HOMER2: variants seen among roughly 807,000 people sequenced by gnomAD.
The protein encoded by HOMER2 is homer scaffold protein 2.
HOMER2 carries 27 observed loss-of-function variants against 47.0 expected under a neutral mutation model. That is an observed-to-expected ratio of 0.57 (90% CI 0.42 to 0.79). HOMER2 has a LOEUF of 0.79. Among genes scored for constraint, HOMER2 ranks in the 30% least tolerant of loss-of-function variants. The pLI is 0.00. For missense variants in HOMER2, 443 were observed against 435.0 expected (o/e 1.02, Z -0.16); for synonymous variants, 161 against 163.8 (o/e 0.98, Z 0.13).
At chr15:82,880,044 T>C (rs892295869) in intron 2 of HOMER2, among the ~76,000 whole-genome samples, 5 of 152,118 alleles carry the variant, frequency 3.3e-5, no homozygotes, top group African/African-American at 1.2e-4. Flanking sequence ...TATGATTCTA[T>C]TCATATAAAG....
At chr15:82,938,091 G>C (rs987564821) in intron 1 of HOMER2, among the ~76,000 whole-genome samples, 1 of 152,148 alleles carries the variant, frequency 6.6e-6, no homozygotes. Context: ...TGCCAGCTCA[G>C]CTGGGCATGG....
chr15:82,865,416 C>T (rs762898616), intron 3 of HOMER2, among the ~76,000 whole-genome samples: 2 of 152,072 alleles, frequency 1.3e-5, no homozygotes, highest in Admixed American at 6.6e-5. Context: ...AGGGACAGTA[C>T]AAATAAGTTT....
chr15:82,951,440 A>C (rs141569031), intron 1 of HOMER2, among the ~76,000 whole-genome samples: 1 of 152,342 alleles, frequency 6.6e-6, no homozygotes, highest in Non-Finnish European at 1.5e-5. Context: ...CCACTGACCC[A>C]GGGGGGCTGA....
In HOMER2 at chr15:82,900,964, A is replaced by G. The variant is rs76392270; in HGVS notation, c.6-8123T>C. Among the ~76,000 whole-genome samples the G allele has an allele frequency of 3.9e-3, 588 of 152,312 alleles. 5 individuals are homozygous for G. The highest frequency in any genetic ancestry group is 0.023 in the East Asian group (121 of 5,192). ...TTTTTGGGTCACATTTACACCAGGG[A>G]ATGGATGAGGCAAGTGCCGCTGATG... is the stretch of plus-strand genomic sequence containing the variant. On this transcript the variant is annotated intron_variant, in intron 1 of 8. Transcript: ENST00000450735.
At chr15:82,893,266 A>C (rs1003211771) in intron 1 of HOMER2, among the ~76,000 whole-genome samples, 4 of 151,834 alleles carry the variant, frequency 2.6e-5, no homozygotes, top group Non-Finnish European at 4.4e-5. Flanking sequence ...TTTGCAGCTT[A>C]ATGTTATATT....
chr15:82,868,583 G>T (rs1680175358), intron 3 of HOMER2, among the ~76,000 whole-genome samples: 2 of 85,932 alleles, frequency 2.3e-5, no homozygotes, highest in South Asian at 4.0e-4. Flanking sequence ...GAATCTTACT[G>T]TATCTCCCAG....
At chr15:82,940,974 A>G (rs1411592629) in intron 1 of HOMER2, among the ~76,000 whole-genome samples, 1 of 152,106 alleles carries the variant, frequency 6.6e-6, no homozygotes, top group Non-Finnish European at 1.5e-5. Flanking sequence ...ACAGTATTAC[A>G]TATAACCCTA....
chr15:82,916,259 C>G (rs1016846826), intron 1 of HOMER2, among the ~76,000 whole-genome samples: 1 of 152,178 alleles, frequency 6.6e-6, no homozygotes, highest in Non-Finnish European at 1.5e-5. Flanking sequence ...TCCTCTGCTC[C>G]CATTCTTATA....
chr15:82,950,285 C>T (rs1034960066), intron 1 of HOMER2, among the ~76,000 whole-genome samples: 1 of 152,044 alleles, frequency 6.6e-6, no homozygotes, highest in Non-Finnish European at 1.5e-5. Context: ...CAGAACACTT[C>T]GCAGAAGAGA....
intron 1 of HOMER2, among the ~76,000 whole-genome samples, chr15:82,952,301 G>A (rs1194594489): frequency 6.6e-6 from 1 of 152,194 alleles, no homozygotes; most frequent in African/African-American, 2.4e-5. Flanking sequence ...GGAGGGGAAG[G>A]GCCACGGGCT....
intron 1 of HOMER2, among the ~76,000 whole-genome samples, chr15:82,935,133 C>A (rs145036502): frequency 6.6e-6 from 1 of 152,296 alleles, no homozygotes; most frequent in African/African-American, 2.4e-5. Flanking sequence ...GCATCTCCTG[C>A]CTTCAATGCT....
intron 1 of HOMER2, among the ~76,000 whole-genome samples, chr15:82,980,121 T>C (rs1013616315): frequency 6.6e-6 from 1 of 151,928 alleles, no homozygotes; most frequent in African/African-American, 2.4e-5. Flanking sequence ...TATATACACA[T>C]ATATATATTT....
chr15:82,940,432 C>A (rs2054236880), intron 1 of HOMER2, among the ~76,000 whole-genome samples: 1 of 152,122 alleles, frequency 6.6e-6, no homozygotes, highest in Non-Finnish European at 1.5e-5. Flanking sequence ...AACCCTATCT[C>A]TACAAAACAT....
At chr15:82,966,036 G>C (rs1357607146) in intron 1 of HOMER2, among the ~76,000 whole-genome samples, 1 of 152,226 alleles carries the variant, frequency 6.6e-6, no homozygotes, top group East Asian at 1.9e-4. Flanking sequence ...AGCAGGTCGA[G>C]GCTGTGGTGA....
intron 1 of HOMER2, among the ~76,000 whole-genome samples, chr15:82,968,215 C>G (rs1183552750): frequency 5.9e-5 from 9 of 152,048 alleles, no homozygotes. Flanking sequence ...TTAACCACAG[C>G]GGAATTTAGT....
In HOMER2 at chr15:82,952,553, C is replaced by G. The variant is rs1182699732; in HGVS notation, c.-18G>C. 1 of 1,176,482 alleles carries G rather than the reference C, an allele frequency of 8.5e-7. No individual in the cohort carries two copies. Among genetic ancestry groups the G allele is most frequent in the African/African-American group, 1.6e-5 (1 of 62,198 alleles). The allele number at this position is 1,176,482 out of a possible 1,614,324, so 72.9% of individuals were successfully genotyped here. A position where few individuals can be genotyped will look rare whatever the true frequency, so the allele number is the denominator to read the frequency against. On this transcript the variant is annotated 5_prime_UTR_variant, in exon 1 of 9. Coordinates refer to ENST00000450735, the MANE Select transcript of HOMER2 (RefSeq NM_004839.4). ...CACCCCATCTCCGGCGCTGCTCCGG[C>G]GGCCGCTCCGACGGGGCCTCTCGCG...
At position 82,849,393 on chromosome 15, in the gene HOMER2, C is replaced by T. The variant is rs193161482; in HGVS notation, c.*322G>A. On this transcript the variant is annotated 3_prime_UTR_variant, in exon 9 of 9. Coordinates refer to ENST00000450735, the MANE Select transcript of HOMER2 (RefSeq NM_004839.4). ...ATATCAATATTTGGATTACAAAATG[C>T]GTGTTTTTTCAGTTCATATGGTTGC... The T allele has an allele frequency of 1.1e-5, 3 of 275,022 alleles. No individual in the cohort carries two copies. Among genetic ancestry groups the T allele is most frequent in the African/African-American group, 2.2e-5 (1 of 45,978 alleles). The allele number at this position is 275,022 out of a possible 1,614,324, so 17.0% of individuals were successfully genotyped here.
upstream of HOMER2, among the ~76,000 whole-genome samples, chr15:82,953,890 A>T (rs962931815): frequency 3.9e-5 from 6 of 152,208 alleles, no homozygotes; most frequent in African/African-American, 9.6e-5. Flanking sequence ...CTCAAAAAAT[A>T]AATAAATTAA....
rs933313600 is a variant in HOMER2, at chr15:82,868,842, C to T, written c.295-4583G>A. ...CTAGGATTAGAGGCATGAGCCACTG[C>T]GCTCAGCTATATATATATATATATA... On this transcript the variant is annotated intron_variant, in intron 3 of 8. Coordinates refer to ENST00000450735, the MANE Select transcript of HOMER2 (RefSeq NM_004839.4). 2.2e-4 allele frequency among the ~76,000 whole-genome samples: 29 copies of T among 128,920 alleles called. No individual in the cohort carries two copies. The East Asian group carries it at 3.1e-3, about 14-fold the overall frequency. The allele number at this position is 128,920 out of a possible 152,430, so 84.6% of individuals were successfully genotyped here.
Sources: gnomAD v4.1 joint callset for allele counts (sites outside exome capture counted in the v4.1 genomes callset) on GRCh38, gnomAD v4.1.1 for gene constraint, MANE v1.5 for transcripts, NCBI Gene and HGNC (gene_info 2026-07-23, HGNC 2026-07-21) for gene names.